Variants in SGSM1 observed in about 807,000 individuals in gnomAD.
The protein encoded by SGSM1 is small G protein signaling modulator 1.
SGSM1 carries 73 observed loss-of-function variants against 133.8 expected under a neutral mutation model. The ratio of observed to expected loss-of-function variants is 0.55; its 90% CI spans 0.45 to 0.66. The LOEUF (loss-of-function observed/expected upper bound fraction) is 0.66, where lower values mean the gene tolerates loss of function less well. Ranked by LOEUF, SGSM1 falls within the 30% of genes least tolerant of loss-of-function variation. The pLI is 0.00. For synonymous variants in SGSM1, 563 were observed against 573.0 expected, an observed-to-expected ratio of 0.98 and a Z score of 0.25; for missense variants, 1,213 against 1,448.1, an observed-to-expected ratio of 0.84 and a Z score of 2.64.
At position 24,917,716 on chromosome 22, in the gene SGSM1, A is replaced by C; in HGVS notation, c.2987A>C (p.Tyr996Ser). Residue 996 changes from tyrosine to serine, a missense_variant, in exon 23 of 25, where the codon TAC (tyrosine) becomes TCC (serine). By Grantham distance (144) the Tyr-to-Ser change is moderately radical (BLOSUM62 -2). Transcript: ENST00000400358. ...CAGAACGGGGACTATACTCACTTCT[A>C]CTTCTGCTACCGCTGGTTCCTGCTG... is the stretch of plus-strand genomic sequence containing the variant. ...MHQNGDYTHF[Y>S]FCYRWFLLDF... 1 of 1,613,802 alleles carries C rather than the reference A, an allele frequency of 6.2e-7. No homozygotes were observed. The highest frequency in any genetic ancestry group is 8.5e-7 in the Non-Finnish European group (1 of 1,179,916).
At chr22:24,837,444 G>A in intron 2 of SGSM1, among the ~76,000 whole-genome samples, 1 of 152,214 alleles carries the variant, frequency 6.6e-6, no homozygotes, top group Non-Finnish European at 1.5e-5. Context: ...GACTAGGAGT[G>A]TGACCACTGA....
rs888030625 is a variant in SGSM1, at chr22:24,834,747, G to A, written c.64-10150G>A. ...CACATGATCTTCACTTTGTATATAC[G>A]TCTAAATTTCCTTTTTTTTTTTTTT... On this transcript the variant is annotated intron_variant, in intron 2 of 24. Transcript: ENST00000400358. 5.2e-5 allele frequency among the ~76,000 whole-genome samples: 7 copies of A among 133,364 alleles called. No homozygotes were observed. In the South Asian group the frequency reaches 1.4e-3, roughly 27 times the overall value. 87.5% of individuals were successfully genotyped at this position (133,364 alleles called of 152,430 possible).
intron 5 of SGSM1, among the ~76,000 whole-genome samples, chr22:24,852,886 A>G (rs1232698468): frequency 6.6e-6 from 1 of 152,178 alleles, no homozygotes; most frequent in African/African-American, 2.4e-5. Flanking sequence ...CAGATTTGAC[A>G]CCAAAATGTA....
intron 14 of SGSM1, among the ~76,000 whole-genome samples, chr22:24,882,233 G>T: frequency 6.6e-6 from 1 of 151,924 alleles, no homozygotes; most frequent in East Asian, 1.9e-4. Flanking sequence ...TGCCTGGCTA[G>T]TTTTTTGTAT....
At chr22:24,913,585 A>G (rs111279887) in intron 22 of SGSM1, among the ~76,000 whole-genome samples, 4 of 152,338 alleles carry the variant, frequency 2.6e-5, no homozygotes, top group African/African-American at 9.6e-5. Context: ...TTATCTACAC[A>G]CTAGCAGTGG....
intron 10 of SGSM1, among the ~76,000 whole-genome samples, chr22:24,868,141 C>T (rs1931558358): frequency 6.6e-6 from 1 of 152,106 alleles, no homozygotes; most frequent in Non-Finnish European, 1.5e-5. Context: ...GAGGTCAACT[C>T]GGTTCTTCTT....
intron 2 of SGSM1, chr22:24,844,042 A>T (rs1053994872): frequency 6.6e-6 from 1 of 152,094 alleles, no homozygotes; most frequent in African/African-American, 2.4e-5. Context: ...TGATTCCTTT[A>T]TATATCTTAT....
At chr22:24,895,918 G>A (rs985116959) in intron 18 of SGSM1, among the ~76,000 whole-genome samples, 1 of 151,988 alleles carries the variant, frequency 6.6e-6, no homozygotes, top group Non-Finnish European at 1.5e-5. Flanking sequence ...GCATGGTGGT[G>A]CGTGCCTGTA....
chr22:24,895,170 C>G, intron 17 of SGSM1, 53 bp from the exon 18 acceptor site: 1 of 1,552,446 alleles, frequency 6.4e-7, no homozygotes, highest in South Asian at 1.2e-5. Flanking sequence ...CCTTCCTGCT[C>G]TGGGCCAGGG....
chr22:24,877,652 G>A (rs1333010687), intron 13 of SGSM1, among the ~76,000 whole-genome samples: 1 of 151,960 alleles, frequency 6.6e-6, no homozygotes, highest in Non-Finnish European at 1.5e-5. Context: ...TCCTCAGGGT[G>A]TGGTCCGTGA....
rs117313647 is a variant in SGSM1, at chr22:24,854,148, T to C, written c.456-848T>C. Among the ~76,000 whole-genome samples, 1,470 of 152,256 alleles carry C rather than the reference T, an allele frequency of 9.7e-3. 12 individuals are homozygous for C. The highest frequency in any genetic ancestry group is 0.018 in the Admixed American group (268 of 15,292). On this transcript the variant is annotated intron_variant, in intron 5 of 24. Coordinates refer to ENST00000400358, the MANE Select transcript of SGSM1 (RefSeq NM_001098497.3). ...TTTGGGTGAGGACACAGCCAAACCATGTCAGATGGCATCACTTGCTATTTT... is the reference window on the plus strand; with the variant it reads ...TTTGGGTGAGGACACAGCCAAACCACGTCAGATGGCATCACTTGCTATTTT...
At chr22:24,893,313 C>T (rs763843585) in intron 16 of SGSM1, 118 bp from the exon 17 acceptor site, 1 of 1,061,980 alleles carries the variant, frequency 9.4e-7, no homozygotes, top group Non-Finnish European at 1.4e-6. Flanking sequence ...TTAATATCTG[C>T]TGGATGTTAA....
In SGSM1 at chr22:24,901,847, T is replaced by G; in HGVS notation, c.2625T>G (p.Asp875Glu). 1.2e-6 allele frequency: 2 copies of G among 1,613,004 alleles called. No individual in the cohort carries two copies. Among genetic ancestry groups the G allele is most frequent in the Non-Finnish European group, 1.7e-6 (2 of 1,179,602 alleles). ...SGVTYSPELL[D>E]LYTVNLHRIE... ...ATGGCCTATAGCCAGAGCTGCTGGA[T>G]CTGTACACGGTGAACCTGCACCGCA... Residue 875 changes from aspartate to glutamate, a missense_variant, in exon 20 of 25, where the codon GAT (aspartate) becomes GAG (glutamate). Asp to Glu is a conservative substitution (Grantham distance 45, BLOSUM62 2). Transcript: ENST00000400358.
intron 12 of SGSM1, among the ~76,000 whole-genome samples, chr22:24,870,997 G>T (rs1402901743): frequency 2.0e-5 from 3 of 152,136 alleles, no homozygotes; most frequent in Non-Finnish European, 2.9e-5. Flanking sequence ...ATCCTTGTCT[G>T]CCCTTGAGGA....
intron 2 of SGSM1, 147 bp from the exon 3 acceptor site, chr22:24,844,750 G>A (rs1010912919): frequency 2.5e-5 from 15 of 605,518 alleles, no homozygotes; most frequent in South Asian, 6.5e-5. Flanking sequence ...AAGACAAGGC[G>A]AGGAGGGGGA....
intron 5 of SGSM1, among the ~76,000 whole-genome samples, chr22:24,854,026 A>G (rs1368610469): frequency 6.6e-6 from 1 of 152,068 alleles, no homozygotes; most frequent in African/African-American, 2.4e-5. Flanking sequence ...TATCACAAGA[A>G]TAGCATGGGA....
chr22:24,842,513 TTTA>T (rs1364002014), intron 2 of SGSM1, among the ~76,000 whole-genome samples: 5 of 152,216 alleles, frequency 3.3e-5, no homozygotes, highest in Non-Finnish European at 7.3e-5. Flanking sequence ...CAAAGAGAAC[TTTA>T]TTGAGCACAT....
rs762180950 is a variant in SGSM1 at position 24,901,942 on chromosome 22, G to A, written c.2720G>A (p.Arg907His). The A allele has an allele frequency of 1.5e-5, 20 of 1,353,424 alleles. No individual in the cohort carries two copies. In the South Asian group the frequency reaches 1.6e-4, roughly 11 times the overall value. 83.8% of individuals were successfully genotyped at this position (1,353,424 alleles called of 1,614,324 possible). The change falls in exon 20 of 25, where the codon CGT becomes CAT. Residue 907 changes from arginine (R) to histidine (H), a missense_variant. Physicochemically the swap from Arg to His is conservative, Grantham distance 29 (BLOSUM62 0). Transcript: ENST00000400358. ...ACGCCCGCCAACTTGGAGAAGCTGC[G>A]TAACATCATGTGCAGGTGGCTGGGG... ...YFTPANLEKL[R>H]NIMCSYIWQH...
intron 15 of SGSM1, among the ~76,000 whole-genome samples, chr22:24,885,064 C>T (rs1932523296): frequency 6.6e-6 from 1 of 151,268 alleles, no homozygotes; most frequent in Non-Finnish European, 1.5e-5. Flanking sequence ...ATTCTCCTGC[C>T]TCAGCCTCCA....
Sources: gnomAD v4.1 joint callset for allele counts (sites outside exome capture counted in the v4.1 genomes callset) on GRCh38, gnomAD v4.1.1 for gene constraint, MANE v1.5 for transcripts, NCBI Gene and HGNC (gene_info 2026-07-23, HGNC 2026-07-21) for gene names.